The following CDC14A variants were observed in gnomAD, a reference collection of about 807,000 sequenced individuals.
CDC14A encodes the protein cell division cycle 14A.
Under a neutral mutation model 74.4 loss-of-function variants are expected in CDC14A, and 53 were observed. That is an observed-to-expected ratio of 0.71 (90% CI 0.57 to 0.89). CDC14A has a LOEUF of 0.89. Among genes scored for constraint, CDC14A ranks in the 40% least tolerant of loss-of-function variants. The pLI, the probability that CDC14A is intolerant of heterozygous loss-of-function variation, is 0.00. For missense variants in CDC14A, 646 were observed against 713.7 expected, an observed-to-expected ratio of 0.91 and a Z score of 1.08; for synonymous variants, 247 against 258.4, an observed-to-expected ratio of 0.96 and a Z score of 0.43.
chr1:100,422,379 CCA>C (rs1331534223), intron 4 of CDC14A, among the ~76,000 whole-genome samples: 2 of 152,300 alleles, frequency 1.3e-5, no homozygotes, highest in African/African-American at 4.8e-5. Flanking sequence ...ATTATCTAAT[CCA>C]CACACAGAAG....
intron 4 of CDC14A, chr1:100,393,196 G>C: frequency 3.8e-6 from 6 of 1,594,040 alleles, no homozygotes; most frequent in Non-Finnish European, 5.2e-6. Flanking sequence ...GCTGTGAGTT[G>C]CATGTTCTTT....
intron 8 of CDC14A, among the ~76,000 whole-genome samples, chr1:100,459,053 CTT>C (rs143311084): frequency 0.012 from 1,831 of 149,478 alleles, 44 homozygotes; most frequent in African/African-American, 0.044. Context: ...AAAAATGTCT[CTT>C]AAGTGTCACT....
intron 6 of CDC14A, among the ~76,000 whole-genome samples, chr1:100,440,583 A>G (rs1448714103): frequency 2.0e-5 from 3 of 152,210 alleles, no homozygotes; most frequent in African/African-American, 7.2e-5. Flanking sequence ...AAGTTATATA[A>G]GCTATACTGT....
At chr1:100,420,896 T>C (rs1374503372) in intron 4 of CDC14A, among the ~76,000 whole-genome samples, 1 of 152,146 alleles carries the variant, frequency 6.6e-6, no homozygotes, top group Non-Finnish European at 1.5e-5. Context: ...GAAGCTTTTA[T>C]TAAAGAAACT....
At chr1:100,493,420 C>T (rs545597926) in intron 11 of CDC14A, among the ~76,000 whole-genome samples, 13 of 152,366 alleles carry the variant, frequency 8.5e-5, no homozygotes, top group Middle Eastern at 3.4e-3. Flanking sequence ...TTCTCAGGTG[C>T]ACCATCCCAC....
rs566198593 is a variant in CDC14A, at chr1:100,487,459, G to A, written c.1137+3008G>A. ...TGCCTGTAGTCCCAGCTTCTTGGGA[G>A]GCTGAGGCATGAGAATCACTTGAAC... On this transcript the variant is annotated intron_variant, in intron 11 of 15. Coordinates refer to ENST00000336454, the MANE Select transcript of CDC14A (RefSeq NM_003672.4). 3.9e-5 allele frequency among the ~76,000 whole-genome samples: 6 copies of A among 152,304 alleles called. No individual in the cohort carries two copies. In the South Asian group the frequency reaches 8.3e-4, roughly 21 times the overall value.
At chr1:100,433,272 A>G (rs1663931181) in intron 5 of CDC14A, among the ~76,000 whole-genome samples, 1 of 152,174 alleles carries the variant, frequency 6.6e-6, no homozygotes, top group Non-Finnish European at 1.5e-5. Flanking sequence ...TCATTCCTGT[A>G]TTAATTCATT....
chr1:100,428,976 C>T (rs893902710), intron 5 of CDC14A, among the ~76,000 whole-genome samples: 2 of 151,594 alleles, frequency 1.3e-5, no homozygotes, highest in African/African-American at 4.8e-5. Flanking sequence ...GGGAGGTGGG[C>T]GATCACTTGA....
intron 4 of CDC14A, chr1:100,393,121 C>T (rs1026329788): frequency 2.1e-5 from 31 of 1,461,694 alleles, no homozygotes; most frequent in African/African-American, 7.0e-5. Flanking sequence ...AAAAATAGTC[C>T]GTTCAGTCTC....
At chr1:100,497,988 TCTTTAA>T in intron 13 of CDC14A, 91 bp from the exon 14 acceptor site, 1 of 1,302,874 alleles carries the variant, frequency 7.7e-7, no homozygotes, top group East Asian at 2.3e-5. Context: ...TGTCATGATA[TCTTTAA>T]GATTGATTAA....
chr1:100,510,280 A>C (rs1488412918), intron 15 of CDC14A, among the ~76,000 whole-genome samples: 1 of 152,142 alleles, frequency 6.6e-6, no homozygotes, highest in Non-Finnish European at 1.5e-5. Context: ...GGTACTTTAT[A>C]TCCATTATCT....
At chr1:100,420,703 T>TGGTA (rs989282368) in intron 4 of CDC14A, among the ~76,000 whole-genome samples, 5 of 152,182 alleles carry the variant, frequency 3.3e-5, no homozygotes, top group Non-Finnish European at 7.4e-5. Flanking sequence ...AAAGAATGAA[T>TGGTA]GGTAGTACAT....
intron 8 of CDC14A, among the ~76,000 whole-genome samples, chr1:100,457,303 AC>A (rs1297128688): frequency 6.6e-6 from 1 of 152,210 alleles, no homozygotes; most frequent in African/African-American, 2.4e-5. Context: ...TGGCATCATA[AC>A]ATAGTTAATA....
At chr1:100,390,235 G>A (rs1020089531) in intron 3 of CDC14A, among the ~76,000 whole-genome samples, 2 of 152,066 alleles carry the variant, frequency 1.3e-5, no homozygotes. Flanking sequence ...TTAAAAGGGG[G>A]TTGTTATATA....
chr1:100,509,598 C>T (rs1391327750), intron 15 of CDC14A, among the ~76,000 whole-genome samples: 1 of 152,220 alleles, frequency 6.6e-6, no homozygotes, highest in African/African-American at 2.4e-5. Context: ...TTTTATTGCA[C>T]CTTCCTCTTA....
intron 6 of CDC14A, among the ~76,000 whole-genome samples, chr1:100,441,895 C>T (rs1269948823): frequency 1.3e-5 from 2 of 152,176 alleles, no homozygotes; most frequent in South Asian, 2.1e-4. Flanking sequence ...GGCGCATGTT[C>T]TGTGTTTTGA....
chr1:100,394,239 C>T (rs1046182909), intron 4 of CDC14A, among the ~76,000 whole-genome samples: 4 of 152,098 alleles, frequency 2.6e-5, no homozygotes, highest in Non-Finnish European at 4.4e-5. Flanking sequence ...CTCAGCCCTC[C>T]CTAGAAGGTG....
Position 100,404,851 on chromosome 1 carries a change from A to G in CDC14A, c.309+14027A>G, listed in dbSNP as rs139946374. Among the ~76,000 whole-genome samples the G allele has an allele frequency of 4.9e-3, 749 of 151,830 alleles. 6 individuals carry two copies. The highest frequency in any genetic ancestry group is 0.017 in the African/African-American group (719 of 41,262). ...TCTCAAAAAAACAAAACAAAACAAA[A>G]CAAAACAAAACAAAAAACTAAATAG... On this transcript the variant is annotated intron_variant, in intron 4 of 15. Transcript: ENST00000336454.
chr1:100,469,556 G>A (rs1668187937), intron 10 of CDC14A, among the ~76,000 whole-genome samples: 1 of 152,110 alleles, frequency 6.6e-6, no homozygotes. Flanking sequence ...GTATCTGCCA[G>A]GTTCTCATTA....
Sources: allele counts gnomAD v4.1 joint callset (sites outside exome capture counted in the v4.1 genomes callset), GRCh38; gene constraint gnomAD v4.1.1; transcripts MANE v1.5; gene names NCBI Gene and HGNC (gene_info 2026-07-23, HGNC 2026-07-21).